The following CDH12 variants were observed in gnomAD, a reference collection of about 807,000 sequenced individuals.
CDH12 encodes the protein cadherin-12.
Under a neutral mutation model 74.1 loss-of-function variants are expected in CDH12, and 41 were observed. The observed-to-expected ratio is 0.55, with a 90% CI of 0.43 to 0.72. CDH12 has a LOEUF of 0.72. Among genes scored for constraint, CDH12 ranks in the 30% least tolerant of loss-of-function variants. The probability of loss-of-function intolerance (pLI) is 0.00; values close to 1 mark genes in which losing one functional copy is unlikely to be tolerated. For missense variants in CDH12, 945 were observed against 977.2 expected (o/e 0.97, Z 0.44); for synonymous variants, 399 against 355.0 (o/e 1.12, Z -1.39).
At chr5:22,832,255 G>A (rs1001501180) in intron 1 of CDH12, among the ~76,000 whole-genome samples, 1 of 152,074 alleles carries the variant, frequency 6.6e-6, no homozygotes, top group Non-Finnish European at 1.5e-5. Context: ...GATTATTGGA[G>A]CATTAACTGT....
intron 3 of CDH12, among the ~76,000 whole-genome samples, chr5:22,222,740 TGATG>T (rs1177763496): frequency 6.6e-6 from 1 of 151,810 alleles, no homozygotes; most frequent in Non-Finnish European, 1.5e-5. Flanking sequence ...GGTTGTAGGA[TGATG>T]GATTGTGGTA....
intron 3 of CDH12, among the ~76,000 whole-genome samples, chr5:22,349,820 C>T (rs1457788448): frequency 2.6e-5 from 4 of 152,116 alleles, no homozygotes; most frequent in African/African-American, 7.2e-5. Context: ...CTGCAAGCTC[C>T]GCCTCCCGGG....
At chr5:21,903,246 C>A (rs1233321268) in intron 6 of CDH12, among the ~76,000 whole-genome samples, 1 of 151,992 alleles carries the variant, frequency 6.6e-6, no homozygotes, top group African/African-American at 2.4e-5. Flanking sequence ...TTCTACACAG[C>A]AATAGTAGGG....
chr5:22,490,787 T>G (rs1213140915), intron 2 of CDH12, among the ~76,000 whole-genome samples: 2 of 152,156 alleles, frequency 1.3e-5, no homozygotes, highest in African/African-American at 4.8e-5. Context: ...AGTGAAAATG[T>G]AGGGAGAACT....
intron 4 of CDH12, among the ~76,000 whole-genome samples, chr5:22,150,643 A>T (rs1747512398): frequency 6.6e-6 from 1 of 152,136 alleles, no homozygotes; most frequent in African/African-American, 2.4e-5. Context: ...AAAAACTGAG[A>T]TTGCTCCTAG....
At chr5:22,224,561 T>C (rs894251356) in intron 3 of CDH12, among the ~76,000 whole-genome samples, 3 of 152,088 alleles carry the variant, frequency 2.0e-5, no homozygotes, top group African/African-American at 7.2e-5. Flanking sequence ...GAGGATACTA[T>C]GTAGGTACGT....
chr5:22,131,998 C>T (rs1023409920), intron 4 of CDH12, among the ~76,000 whole-genome samples: 2 of 152,070 alleles, frequency 1.3e-5, no homozygotes, highest in African/African-American at 2.4e-5. Flanking sequence ...GAATTTAAAA[C>T]GTGTATCTCC....
chr5:22,182,536 T>C (rs1487917317), intron 4 of CDH12, among the ~76,000 whole-genome samples: 1 of 152,200 alleles, frequency 6.6e-6, no homozygotes, highest in Non-Finnish European at 1.5e-5. Context: ...GAGGTAACTA[T>C]GCAGGGTGGG....
At chr5:22,482,766 A>G (rs1460037480) in intron 2 of CDH12, among the ~76,000 whole-genome samples, 1 of 152,190 alleles carries the variant, frequency 6.6e-6, no homozygotes, top group Non-Finnish European at 1.5e-5. Context: ...ACATGCCATC[A>G]TCAAATCTCT....
chr5:21,846,009 C>G (rs1243822833), intron 7 of CDH12, among the ~76,000 whole-genome samples: 1 of 152,136 alleles, frequency 6.6e-6, no homozygotes, highest in African/African-American at 2.4e-5. Flanking sequence ...CAGGCATGTT[C>G]AACATGGAGG....
chr5:22,011,600 A>G (rs1176709904), intron 5 of CDH12, among the ~76,000 whole-genome samples: 2 of 152,150 alleles, frequency 1.3e-5, no homozygotes, highest in African/African-American at 4.8e-5. Flanking sequence ...CTAGAAACTA[A>G]TTCTTCTTGG....
intron 1 of CDH12, among the ~76,000 whole-genome samples, chr5:22,599,757 T>A (rs1736767003): frequency 6.6e-6 from 1 of 152,172 alleles, no homozygotes; most frequent in African/African-American, 2.4e-5. Context: ...TACTTATTTA[T>A]GTATCAAATT....
chr5:22,703,487 A>T (rs771727979), intron 1 of CDH12, among the ~76,000 whole-genome samples: 9 of 152,190 alleles, frequency 5.9e-5, no homozygotes, highest in Non-Finnish European at 1.2e-4. Flanking sequence ...GCATTTTAAG[A>T]TGCTTAGCAC....
chr5:21,995,049 C>T (rs576067710), intron 5 of CDH12, among the ~76,000 whole-genome samples: 69 of 152,148 alleles, frequency 4.5e-4, no homozygotes, highest in Middle Eastern at 3.4e-3. Context: ...GAGGGTCTGC[C>T]GCTTCACACC....
chr5:22,525,410 G>A (rs1737224254), intron 1 of CDH12, among the ~76,000 whole-genome samples: 1 of 151,938 alleles, frequency 6.6e-6, no homozygotes, highest in South Asian at 2.1e-4. Flanking sequence ...AGGAAGCAAT[G>A]GTATGCCCTT....
intron 1 of CDH12, among the ~76,000 whole-genome samples, chr5:22,595,310 T>C (rs1280661741): frequency 6.6e-6 from 1 of 152,146 alleles, no homozygotes; most frequent in Non-Finnish European, 1.5e-5. Flanking sequence ...ATCCTGTGCA[T>C]CTATTCACAG....
chr5:22,589,175 G>GT (rs1419534110), intron 1 of CDH12, among the ~76,000 whole-genome samples: 3 of 152,170 alleles, frequency 2.0e-5, no homozygotes, highest in African/African-American at 7.2e-5. Flanking sequence ...GATCACTTCT[G>GT]TTATTTTTTC....
intron 1 of CDH12, among the ~76,000 whole-genome samples, chr5:22,643,072 A>G (rs1468138433): frequency 6.6e-6 from 1 of 152,190 alleles, no homozygotes; most frequent in African/African-American, 2.4e-5. Context: ...AATCAAATCA[A>G]AGTAAGGTCA....
intron 5 of CDH12, among the ~76,000 whole-genome samples, chr5:22,006,733 G>T (rs1212778017): frequency 3.9e-5 from 6 of 151,980 alleles, no homozygotes; most frequent in Admixed American, 2.0e-4. Context: ...ATTTCTCAGG[G>T]TCCTCATCTG....
Sources: allele counts gnomAD v4.1 joint callset (sites outside exome capture counted in the v4.1 genomes callset), GRCh38; gene constraint gnomAD v4.1.1; transcripts MANE v1.5; gene names NCBI Gene and HGNC (gene_info 2026-07-23, HGNC 2026-07-21).